The following CUL3 variants were observed in gnomAD, a reference collection of about 807,000 sequenced individuals.
CUL3 encodes the protein cullin 3.
In CUL3, 19 loss-of-function variants were observed where a neutral mutation model predicts 89.1. The observed-to-expected ratio is 0.21, with a 90% CI of 0.15 to 0.31. The LOEUF is 0.31. CUL3 is among the 10% of genes least tolerant of loss of function. The probability of loss-of-function intolerance (pLI) is 1.00; values close to 1 mark genes in which losing one functional copy is unlikely to be tolerated. For missense variants in CUL3, 469 were observed against 942.3 expected, an observed-to-expected ratio of 0.50 and a Z score of 6.58; for synonymous variants, 351 against 308.4, an observed-to-expected ratio of 1.14 and a Z score of -1.45.
intron 2 of CUL3, among the ~76,000 whole-genome samples, chr2:224,536,699 AAAGACTATTC>A (rs918387994): frequency 1.8e-4 from 27 of 152,280 alleles, no homozygotes; most frequent in South Asian, 4.2e-4. Context: ...AACCCTAATA[AAAGACTATTC>A]AAGACTTCAA....
chr2:224,572,383 G>A (rs928433949), intron 1 of CUL3, among the ~76,000 whole-genome samples: 5 of 151,820 alleles, frequency 3.3e-5, no homozygotes, highest in African/African-American at 1.2e-4. Flanking sequence ...AGCAGCTCAC[G>A]CCTGTAATCC....
At position 224,503,569 on chromosome 2, in the gene CUL3, A is replaced by AT. The variant is rs1418362694; in HGVS notation, c.1377+82dup. The AT allele has an allele frequency of 2.5e-4, 286 of 1,157,522 alleles. 2 individuals carry two copies. The highest frequency in any genetic ancestry group is 9.6e-4 in the Middle Eastern group (4 of 4,174). 71.7% of individuals were successfully genotyped at this position (1,157,522 alleles called of 1,614,324 possible). A position where few individuals can be genotyped will look rare whatever the true frequency, so the allele number is the denominator to read the frequency against. ...AAATAAACACTTAATAATCTACCAAATTAATTTCCAATCACGTTGTCAGTA... is the reference window on the plus strand; with the variant it reads ...AAATAAACACTTAATAATCTACCAAATTTAATTTCCAATCACGTTGTCAGTA... On this transcript the variant is annotated intron_variant, in intron 9 of 15. Coordinates refer to ENST00000264414, the MANE Select transcript of CUL3 (RefSeq NM_003590.5).
At chr2:224,557,936 C>T in intron 1 of CUL3, 80 bp from the exon 2 acceptor site, 2 of 774,090 alleles carry the variant, frequency 2.6e-6, no homozygotes, top group Non-Finnish European at 4.1e-6. Flanking sequence ...TATATTTGTC[C>T]ATATATAGTA....
chr2:224,514,515 C>A, intron 4 of CUL3, 97 bp downstream of exon 4: 1 of 1,087,788 alleles, frequency 9.2e-7, no homozygotes, highest in South Asian at 2.1e-5. Context: ...GCTCAACATT[C>A]AAACTTTTAT....
chr2:224,543,925 C>T (rs1317862942), intron 2 of CUL3, among the ~76,000 whole-genome samples: 1 of 151,932 alleles, frequency 6.6e-6, no homozygotes, highest in African/African-American at 2.4e-5. Context: ...GTGGAAGCTG[C>T]AGTGAGCCGA....
chr2:224,559,997 C>T (rs530615952), intron 1 of CUL3, among the ~76,000 whole-genome samples: 1 of 152,172 alleles, frequency 6.6e-6, no homozygotes, highest in South Asian at 2.1e-4. Context: ...GCGGGAGGAT[C>T]GCTTGAGCCC....
At chr2:224,542,446 C>T (rs906339768) in intron 2 of CUL3, among the ~76,000 whole-genome samples, 4 of 152,100 alleles carry the variant, frequency 2.6e-5, no homozygotes, top group Non-Finnish European at 4.4e-5. Context: ...CCACCTGAGC[C>T]TCCCAAGTAG....
rs115972882 is a variant in CUL3 at position 224,515,733 on chromosome 2, T to C, written c.379-961A>G. On this transcript the variant is annotated intron_variant, in intron 3 of 15. Transcript: ENST00000264414. ...TTGAGATGGAGTCTCATTCACTCTG[T>C]TGTCTGGGCTGGAGTACAGTGGTGC... Among the ~76,000 whole-genome samples, 1,268 of 152,108 alleles carry C rather than the reference T, an allele frequency of 8.3e-3. 10 individuals carry two copies. Among genetic ancestry groups the C allele is most frequent in the African/African-American group, 0.029 (1,210 of 41,488 alleles).
At position 224,481,879 on chromosome 2, in the gene CUL3, T is replaced by A. The variant is rs371959500; in HGVS notation, c.2029+13A>T. On this transcript the variant is annotated intron_variant, in intron 14 of 15. Transcript: ENST00000264414. Reference sequence around the variant, plus strand: ...ATATAATTTTTTGAGAGGAAAAATATAATTCCAGATACCTGTTTGAATCTT... The same window carrying A: ...ATATAATTTTTTGAGAGGAAAAATAAAATTCCAGATACCTGTTTGAATCTT... The A allele has an allele frequency of 7.0e-7, 1 of 1,438,824 alleles. No homozygotes were observed. The highest frequency in any genetic ancestry group is 9.2e-7 in the Non-Finnish European group (1 of 1,090,250). The allele number at this position is 1,438,824 out of a possible 1,614,324, so 89.1% of individuals were successfully genotyped here. A position where few individuals can be genotyped will look rare whatever the true frequency, so the allele number is the denominator to read the frequency against.
rs577699180 is a variant in CUL3 at position 224,487,955 on chromosome 2, G to A, written c.1843-5877C>T. Among the ~76,000 whole-genome samples the A allele has an allele frequency of 3.3e-5, 5 of 152,250 alleles. No homozygotes were observed. In the South Asian group the frequency reaches 1.0e-3, roughly 32 times the overall value. ...AGGATTAAGAAACTCATTCAAAACT[G>A]TACAACTACATGGAAACTGAACAAC... On this transcript the variant is annotated intron_variant, in intron 13 of 15. Transcript: ENST00000264414.
At position 224,559,019 on chromosome 2, in the gene CUL3, G is replaced by A. The variant is rs144644930; in HGVS notation, c.67-1163C>T. ...TGCAGTGAGCCAAGATCCCGCCACT[G>A]CACTCCAGCCTGGGCAACAGAGCAA... is the stretch of plus-strand genomic sequence containing the variant. On this transcript the variant is annotated intron_variant, in intron 1 of 15. Coordinates refer to ENST00000264414, the MANE Select transcript of CUL3 (RefSeq NM_003590.5). 8.5e-3 allele frequency among the ~76,000 whole-genome samples: 1,293 copies of A among 151,764 alleles called. 17 individuals are homozygous for A. The highest frequency in any genetic ancestry group is 0.027 in the African/African-American group (1,114 of 41,374).
chr2:224,580,517 C>A (rs1479411247), intron 1 of CUL3, among the ~76,000 whole-genome samples: 4 of 152,134 alleles, frequency 2.6e-5, no homozygotes, highest in African/African-American at 9.7e-5. Flanking sequence ...AACCCCATCA[C>A]TACTTAAAAT....
chr2:224,491,238 A>G (rs141124866), intron 13 of CUL3, among the ~76,000 whole-genome samples: 1 of 152,292 alleles, frequency 6.6e-6, no homozygotes, highest in East Asian at 1.9e-4. Flanking sequence ...CAGCACACTT[A>G]TAACTTGTAA....
At chr2:224,578,114 G>A (rs563562538) in intron 1 of CUL3, among the ~76,000 whole-genome samples, 1 of 152,114 alleles carries the variant, frequency 6.6e-6, no homozygotes, top group Non-Finnish European at 1.5e-5. Context: ...AGGTCAATTA[G>A]GTAATATATT....
chr2:224,582,216 C>T (rs1176354805), intron 1 of CUL3, among the ~76,000 whole-genome samples: 1 of 152,196 alleles, frequency 6.6e-6, no homozygotes. Context: ...ATCCACCTGC[C>T]TCGGCCTCCC....
At chr2:224,511,246 C>T in intron 6 of CUL3, 108 bp downstream of exon 6, 1 of 764,016 alleles carries the variant, frequency 1.3e-6, no homozygotes, top group Non-Finnish European at 2.1e-6. Context: ...ACAATACACA[C>T]CAAAACTTCT....
chr2:224,526,302 C>T (rs772565187), intron 3 of CUL3, among the ~76,000 whole-genome samples: 1 of 152,168 alleles, frequency 6.6e-6, no homozygotes, highest in South Asian at 2.1e-4. Context: ...GATGTATTTC[C>T]GGGCTGGGCG....
chr2:224,482,119 G>C (rs1423713407), intron 13 of CUL3, 41 bp from the exon 14 acceptor site: 1 of 1,513,798 alleles, frequency 6.6e-7, no homozygotes, highest in Non-Finnish European at 8.9e-7. Context: ...CTTTTTGAAA[G>C]ATTAAAGTTA....
intron 1 of CUL3, among the ~76,000 whole-genome samples, chr2:224,570,503 T>C (rs1260132900): frequency 6.6e-6 from 1 of 152,210 alleles, no homozygotes; most frequent in Admixed American, 6.5e-5. Context: ...TCCTTGCCTA[T>C]GTAGAAGAGA....
Sources: gnomAD v4.1 joint callset for allele counts (sites outside exome capture counted in the v4.1 genomes callset) on GRCh38, gnomAD v4.1.1 for gene constraint, MANE v1.5 for transcripts, NCBI Gene and HGNC (gene_info 2026-07-23, HGNC 2026-07-21) for gene names.